The following VWA3A variants were observed in gnomAD, a reference collection of about 807,000 sequenced individuals.
VWA3A encodes von Willebrand factor A domain containing 3A.
A neutral mutation model predicts 160.4 loss-of-function variants in VWA3A; 134 were observed. The ratio of observed to expected loss-of-function variants is 0.84; its 90% CI spans 0.73 to 0.96. The LOEUF (loss-of-function observed/expected upper bound fraction) is 0.96, where lower values mean the gene tolerates loss of function less well. Ranked by LOEUF, VWA3A falls within the 40% of genes least tolerant of loss-of-function variation. The probability of loss-of-function intolerance (pLI) is 0.00; values close to 1 mark genes in which losing one functional copy is unlikely to be tolerated. For synonymous variants in VWA3A, 476 were observed against 543.4 expected (o/e 0.88, Z 1.72); for missense variants, 1,310 against 1,447.9 (o/e 0.90, Z 1.55).
intron 31 of VWA3A, among the ~76,000 whole-genome samples, chr16:22,154,526 A>C (rs1417056888): frequency 6.6e-6 from 1 of 151,394 alleles, no homozygotes; most frequent in Non-Finnish European, 1.5e-5. Context: ...ATGAGGTTTC[A>C]TCATGTTGGC....
At chr16:22,117,310 A>T (rs930124342) in intron 11 of VWA3A, 134 bp downstream of exon 11, 4 of 951,356 alleles carry the variant, frequency 4.2e-6, no homozygotes, top group African/African-American at 3.3e-5. Flanking sequence ...CCTGTATTCA[A>T]TGAGGTTACA....
At chr16:22,137,144 A>G (rs890675203) in intron 21 of VWA3A, among the ~76,000 whole-genome samples, 9 of 152,170 alleles carry the variant, frequency 5.9e-5, no homozygotes, top group African/African-American at 2.2e-4. Flanking sequence ...AGGTGCACAT[A>G]GTCCCATTCC....
intron 6 of VWA3A, among the ~76,000 whole-genome samples, chr16:22,106,963 GCT>G (rs1350325608): frequency 6.6e-6 from 1 of 152,190 alleles, no homozygotes; most frequent in Non-Finnish European, 1.5e-5. Flanking sequence ...GATGGGGAAG[GCT>G]GAGGGAGAAA....
intron 24 of VWA3A, 78 bp from the exon 25 acceptor site, chr16:22,142,590 C>G (rs1365239061): frequency 8.8e-7 from 1 of 1,130,328 alleles, no homozygotes; most frequent in Non-Finnish European, 1.3e-6. Flanking sequence ...ATCTCCAACA[C>G]TGGGGATCAC....
intron 23 of VWA3A, 111 bp downstream of exon 23, chr16:22,140,355 C>A: frequency 9.6e-7 from 1 of 1,037,570 alleles, no homozygotes; most frequent in Non-Finnish European, 1.4e-6. Context: ...TGCCTATAAT[C>A]CCAGCACTTT....
intron 1 of VWA3A, among the ~76,000 whole-genome samples, chr16:22,094,802 C>T (rs904804665): frequency 6.6e-6 from 1 of 151,894 alleles, no homozygotes; most frequent in African/African-American, 2.4e-5. Flanking sequence ...CCCGTCTCTA[C>T]AAAAAATACA....
intron 20 of VWA3A, among the ~76,000 whole-genome samples, chr16:22,133,468 A>G (rs2315947): frequency 0.44 from 66,237 of 151,656 alleles, 17,815 homozygotes; most frequent in East Asian, 0.75. Flanking sequence ...CCTGGCCAAC[A>G]TGGTGAAACT....
intron 8 of VWA3A, 97 bp from the exon 9 acceptor site, chr16:22,115,250 T>G: frequency 7.3e-7 from 1 of 1,365,892 alleles, no homozygotes; most frequent in Non-Finnish European, 9.7e-7. Context: ...CACTTCAGCC[T>G]GGGTAACACA....
intron 31 of VWA3A, among the ~76,000 whole-genome samples, chr16:22,154,903 G>A (rs901683712): frequency 3.6e-5 from 5 of 140,092 alleles, no homozygotes; most frequent in Non-Finnish European, 6.1e-5. Flanking sequence ...GCAGTGAGCC[G>A]AGATTGCGCC....
At chr16:22,138,610 G>A in intron 22 of VWA3A, 98 bp downstream of exon 22, 2 of 1,501,444 alleles carry the variant, frequency 1.3e-6, no homozygotes, top group South Asian at 1.3e-5. Flanking sequence ...GCAGGGATGG[G>A]GGTGGGTGCT....
chr16:22,100,029 C>G (rs536141460), intron 3 of VWA3A, among the ~76,000 whole-genome samples, 165 bp from the exon 4 acceptor site: 1 of 151,856 alleles, frequency 6.6e-6, no homozygotes, highest in Admixed American at 6.6e-5. Context: ...GAGCCAAGAT[C>G]ATTCCACTGC....
At chr16:22,148,118 C>T in intron 27 of VWA3A, 44 bp from the exon 28 acceptor site, 1 of 1,540,284 alleles carries the variant, frequency 6.5e-7, no homozygotes, top group African/African-American at 1.4e-5. Flanking sequence ...GGAGGAGGGA[C>T]CCCTCACTCC....
At chr16:22,097,155 CAG>C (rs2045339472) in intron 2 of VWA3A, among the ~76,000 whole-genome samples, 1 of 151,928 alleles carries the variant, frequency 6.6e-6, no homozygotes. Context: ...TTAGTAGAGA[CAG>C]GGTTTCACCG....
At chr16:22,145,004 C>A (rs1399886124) in intron 26 of VWA3A, among the ~76,000 whole-genome samples, 1 of 152,038 alleles carries the variant, frequency 6.6e-6, no homozygotes, top group Non-Finnish European at 1.5e-5. Flanking sequence ...AATGCTGTAC[C>A]CCAATACTGA....
rs2141914085 is a variant in VWA3A at position 22,121,808 on chromosome 16, G to A, written c.1356+191G>A. On this transcript the variant is annotated intron_variant, in intron 14 of 33. Coordinates refer to ENST00000389398, the MANE Select transcript of VWA3A (RefSeq NM_173615.5). ...TCTGAAAATTGAACTTGGGAGATGA[G>A]GCAAGAGGGATAAATCAGGTACCAC... Among the ~76,000 whole-genome samples the A allele has an allele frequency of 1.3e-5, 2 of 152,192 alleles. 1 individual carries two copies. Among genetic ancestry groups the A allele is most frequent in the East Asian group, 3.9e-4 (2 of 5,176 alleles).
chr16:22,131,425 C>T (rs2045946120), intron 18 of VWA3A, 146 bp downstream of exon 18: 6 of 1,425,786 alleles, frequency 4.2e-6, no homozygotes, highest in Non-Finnish European at 5.7e-6. Flanking sequence ...AAACAGCTTC[C>T]TTCTGTCTGC....
At chr16:22,110,856 G>A in intron 7 of VWA3A, 32 bp from the exon 8 acceptor site, 1 of 1,568,940 alleles carries the variant, frequency 6.4e-7, no homozygotes, top group Non-Finnish European at 8.7e-7. Flanking sequence ...TCCCCTGGCT[G>A]TGGGAGCCAG....
At chr16:22,106,434 T>C (rs1197358847) in intron 6 of VWA3A, among the ~76,000 whole-genome samples, 2 of 152,156 alleles carry the variant, frequency 1.3e-5, no homozygotes, top group Non-Finnish European at 2.9e-5. Context: ...ATACTCACTC[T>C]GAAGAGGAGG....
chr16:22,132,319 T>C (rs1407513101), intron 19 of VWA3A, among the ~76,000 whole-genome samples: 2 of 149,480 alleles, frequency 1.3e-5, no homozygotes, highest in Non-Finnish European at 1.5e-5. Context: ...GAGGGGGAGG[T>C]TGCGGTGAGC....
Sources: allele counts gnomAD v4.1 joint callset (sites outside exome capture counted in the v4.1 genomes callset), GRCh38; gene constraint gnomAD v4.1.1; transcripts MANE v1.5; gene names NCBI Gene and HGNC (gene_info 2026-07-23, HGNC 2026-07-21).